Variants in TP73 observed in about 807,000 individuals in gnomAD.
TP73 encodes tumor protein p73.
Under a neutral mutation model 62.5 loss-of-function variants are expected in TP73, and 25 were observed. The observed-to-expected ratio is 0.40, with a 90% confidence interval of 0.29 to 0.56. TP73 has a LOEUF of 0.56. Ranked by LOEUF, TP73 falls within the 20% of genes least tolerant of loss-of-function variation. The probability of loss-of-function intolerance (pLI) is 0.46; values close to 1 mark genes in which losing one functional copy is unlikely to be tolerated. For missense variants in TP73, 754 were observed against 913.3 expected, an observed-to-expected ratio of 0.83 and a Z score of 2.25; for synonymous variants, 423 against 377.5, an observed-to-expected ratio of 1.12 and a Z score of -1.40.
chr1:3,717,549 G>C (rs906619328), intron 4 of TP73, among the ~76,000 whole-genome samples: 1 of 152,216 alleles, frequency 6.6e-6, no homozygotes, highest in African/African-American at 2.4e-5. Flanking sequence ...AAGGCAGGAG[G>C]GGGGCGGCGG....
In TP73 at chr1:3,682,347, G is replaced by T; in HGVS notation, c.-19G>T. ...CCTTCCTGCAGAGCGAGCTGCCCTC[G>T]GAGGCCGGCGTGGGGAAGATGGCCC... On this transcript the variant is annotated 5_prime_UTR_variant, in exon 2 of 14. It introduces an in-frame stop codon into an upstream open reading frame of the 5' UTR. Coordinates refer to ENST00000378295, the MANE Select transcript of TP73 (RefSeq NM_005427.4). 1 of 1,517,004 alleles carries T rather than the reference G, an allele frequency of 6.6e-7. No homozygotes were observed. Among genetic ancestry groups the T allele is most frequent in the Non-Finnish European group, 8.9e-7 (1 of 1,124,168 alleles). 94.0% of individuals were successfully genotyped at this position (1,517,004 alleles called of 1,614,324 possible).
At chr1:3,713,591 A>G (rs1011576641) in intron 4 of TP73, among the ~76,000 whole-genome samples, 1 of 152,052 alleles carries the variant, frequency 6.6e-6, no homozygotes, top group Non-Finnish European at 1.5e-5. Context: ...ATTTTCTGAG[A>G]TTCCAAAAGT....
chr1:3,706,401 G>A (rs1006434803), intron 3 of TP73, among the ~76,000 whole-genome samples: 3 of 141,180 alleles, frequency 2.1e-5, no homozygotes, highest in Non-Finnish European at 1.5e-5. Flanking sequence ...GGACAATCAC[G>A]GTGCCCGCCG....
Position 3,727,122 on chromosome 1 carries a change from C to T in TP73, c.740C>T (p.Thr247Met), listed in dbSNP as rs1284747194. 2.5e-6 allele frequency: 4 copies of T among 1,611,434 alleles called. No individual in the cohort carries two copies. Among genetic ancestry groups the T allele is most frequent in the East Asian group, 4.5e-5 (2 of 44,852 alleles). ...CTGCTCCCCCATGTGCAGGTGGGGA[C>T]GGAATTCACCACCATCCTGTACAAC... Reference protein sequence around the residue: ...VVPYEPPQVGTEFTTILYNFM... With the variant: ...VVPYEPPQVGMEFTTILYNFM... The change falls in exon 7 of 14, where the codon ACG becomes ATG. Residue 247 changes from threonine to methionine, a missense_variant. Physicochemically the swap from Thr to Met is moderately conservative, Grantham distance 81 (BLOSUM62 -1). Transcript: ENST00000378295.
At chr1:3,690,477 C>G (rs1645786186) in intron 3 of TP73, among the ~76,000 whole-genome samples, 1 of 152,214 alleles carries the variant, frequency 6.6e-6, no homozygotes, top group Non-Finnish European at 1.5e-5. Flanking sequence ...GCCCCCCGAG[C>G]CTTCCCCAGG....
At chr1:3,687,144 C>CTTT (rs1302767999) in intron 3 of TP73, among the ~76,000 whole-genome samples, 5 of 152,170 alleles carry the variant, frequency 3.3e-5, no homozygotes, top group Non-Finnish European at 7.4e-5. Context: ...CTACATGGCT[C>CTTT]ACAGGGACCT....
rs1293786797 is a variant in TP73, at chr1:3,731,481, G to T, written c.1503G>T (p.Gly501=). The stretch of plus-strand genomic sequence containing the variant: ...TCTGCAGTTTTTTAACAGGATTGGG[G>T]TGTCCAAACTGCATCGAGTATTTCA... The part of the protein sequence containing the change: ...PSLVSFLTGL[G]CPNCIEYFTS... The change falls in exon 13 of 14, where the codon GGG becomes GGT. Residue 501 remains glycine, a synonymous_variant. Coordinates refer to ENST00000378295, the MANE Select transcript of TP73 (RefSeq NM_005427.4). 1 of 1,613,632 alleles carries T rather than the reference G, an allele frequency of 6.2e-7. No homozygotes were observed. Among genetic ancestry groups the T allele is most frequent in the Non-Finnish European group, 8.5e-7 (1 of 1,180,000 alleles).
intron 3 of TP73, among the ~76,000 whole-genome samples, chr1:3,703,006 G>A (rs1454249588): frequency 6.6e-6 from 1 of 152,224 alleles, no homozygotes; most frequent in Non-Finnish European, 1.5e-5. Flanking sequence ...CGCCAGGCAG[G>A]AAGCGAAAGG....
chr1:3,661,094 A>G (rs1362575107), intron 1 of TP73, among the ~76,000 whole-genome samples: 3 of 152,206 alleles, frequency 2.0e-5, no homozygotes, highest in Non-Finnish European at 4.4e-5. Flanking sequence ...AATAAGCCCA[A>G]TTTATTTAAT....
intron 3 of TP73, among the ~76,000 whole-genome samples, chr1:3,698,558 G>A (rs571461465): frequency 3.3e-5 from 5 of 152,292 alleles, no homozygotes; most frequent in Non-Finnish European, 5.9e-5. Flanking sequence ...GGCTTTGAGC[G>A]GGATCCGGGA....
rs111771293 is a variant in TP73, at chr1:3,669,280, C to T, written c.-33-13053C>T. ...CCCTGGGGTGCAGAGAGCCCCTCTA[C>T]GGCCTCCCAGGAGGCGGCTTGGAAA... On this transcript the variant is annotated intron_variant, in intron 1 of 13. Transcript: ENST00000378295. Among the ~76,000 whole-genome samples the T allele has an allele frequency of 4.8e-3, 730 of 152,334 alleles. 1 individual carries two copies. Among genetic ancestry groups the T allele is most frequent in the Non-Finnish European group, 8.2e-3 (559 of 68,018 alleles).
At chr1:3,722,340 C>A in intron 5 of TP73, 133 bp downstream of exon 5, 1 of 1,110,274 alleles carries the variant, frequency 9.0e-7, no homozygotes, top group Non-Finnish European at 1.3e-6. Context: ...GGAGGGCTTT[C>A]AGTGCCTCCA....
chr1:3,674,074 G>A (rs1348637349), intron 1 of TP73, among the ~76,000 whole-genome samples: 1 of 152,194 alleles, frequency 6.6e-6, no homozygotes, highest in South Asian at 2.1e-4. Flanking sequence ...GGGCCGTCGT[G>A]GGGTGGCTGG....
At chr1:3,728,488 A>G (rs12095248) in intron 9 of TP73, among the ~76,000 whole-genome samples, 38,065 of 152,216 alleles carry the variant, frequency 0.25, 8,118 homozygotes, top group African/African-American at 0.58. Context: ...TAGCACAGGT[A>G]GGGTGGTGCG....
intron 3 of TP73, chr1:3,690,915 G>A (rs371735938): frequency 1.8e-5 from 28 of 1,580,772 alleles, no homozygotes; most frequent in African/African-American, 5.4e-5. Context: ...CATGCTGTAC[G>A]TCGGTGACCC....
In TP73 at chr1:3,672,704, C is replaced by T. The variant is rs931112956; in HGVS notation, c.-33-9629C>T. ...CTGCTCCTACCACCCCCGCCAGGGT[C>T]GCCCTTCCTCTAACAGGTGGGCTCC... is the stretch of plus-strand genomic sequence containing the variant. On this transcript the variant is annotated intron_variant, in intron 1 of 13. Transcript: ENST00000378295. The surrounding 1 kb of genome is among the most constrained non-coding windows in gnomAD (Gnocchi z 5.3). Among the ~76,000 whole-genome samples the T allele has an allele frequency of 1.1e-4, 16 of 152,046 alleles. No individual in the cohort carries two copies. The highest frequency in any genetic ancestry group is 2.9e-4 in the African/African-American group (12 of 41,374).
chr1:3,688,499 C>G (rs1645724196), intron 3 of TP73, among the ~76,000 whole-genome samples: 1 of 152,188 alleles, frequency 6.6e-6, no homozygotes, highest in Admixed American at 6.5e-5. Flanking sequence ...TGTCCTGCGG[C>G]CCAGGGTCCT....
chr1:3,696,862 G>A lies in TP73; in HGVS notation c.187-10687G>A, dbSNP rs947915826. On this transcript the variant is annotated intron_variant, in intron 3 of 13. Coordinates refer to ENST00000378295, the MANE Select transcript of TP73 (RefSeq NM_005427.4). The surrounding 1 kb of genome is among the most constrained non-coding windows in gnomAD (Gnocchi z 4.1). ...GAGGAGCCACCCCACTCACCCGCCT[G>A]CTGTGCCTAGTGCACGCCCGCCTCC... Among the ~76,000 whole-genome samples, 1 of 152,144 alleles carries A rather than the reference G, an allele frequency of 6.6e-6. No homozygotes were observed. The highest frequency in any genetic ancestry group is 2.4e-5 in the African/African-American group (1 of 41,426).
intron 3 of TP73, among the ~76,000 whole-genome samples, 196 bp from the exon 4 acceptor site, chr1:3,707,353 G>A (rs1429131026): frequency 6.6e-6 from 1 of 152,194 alleles, no homozygotes; most frequent in African/African-American, 2.4e-5. Context: ...GCTGATGGAG[G>A]GGAGGGCGAG....
Sources: allele counts gnomAD v4.1 joint callset (sites outside exome capture counted in the v4.1 genomes callset), GRCh38; gene constraint gnomAD v4.1.1; non-coding constraint Gnocchi (gnomAD v3.1); transcripts MANE v1.5; gene names NCBI Gene and HGNC (gene_info 2026-07-23, HGNC 2026-07-21).